CRYGN: variants seen among roughly 807,000 people sequenced by gnomAD.
CRYGN encodes gamma-crystallin N.
Under a neutral mutation model 19.2 loss-of-function variants are expected in CRYGN, and 17 were observed. The observed-to-expected ratio is 0.89, with a 90% CI of 0.61 to 1.33. The LOEUF (loss-of-function observed/expected upper bound fraction) is 1.33. Among genes scored for constraint, CRYGN ranks in the 40% most tolerant of loss-of-function variants. The probability of loss-of-function intolerance (pLI) is 0.00; values close to 1 mark genes in which losing one functional copy is unlikely to be tolerated. For synonymous variants in CRYGN, 84 were observed against 85.8 expected, an observed-to-expected ratio of 0.98 and a Z score of 0.12; for missense variants, 239 against 239.6, an observed-to-expected ratio of 1.00 and a Z score of 0.02.
At position 151,440,019 on chromosome 7, in the gene CRYGN, G is replaced by C; in HGVS notation, c.-102C>G. On this transcript the variant is annotated 5_prime_UTR_variant, in exon 1 of 4. Coordinates refer to ENST00000337323, the MANE Select transcript of CRYGN (RefSeq NM_144727.3). Reference sequence around the variant, plus strand: ...AGATTTGCTGGGCCGGCCCCGGAGCGTTAGTGCTGTCGGGCGTGCTAAGCC... The same window carrying C: ...AGATTTGCTGGGCCGGCCCCGGAGCCTTAGTGCTGTCGGGCGTGCTAAGCC... 1 of 1,401,988 alleles carries C rather than the reference G, an allele frequency of 7.1e-7. No individual in the cohort carries two copies. Among genetic ancestry groups the C allele is most frequent in the East Asian group, 2.9e-5 (1 of 34,386 alleles). The allele number at this position is 1,401,988 out of a possible 1,614,324, so 86.8% of individuals were successfully genotyped here. A position where few individuals can be genotyped will look rare whatever the true frequency, so the allele number is the denominator to read the frequency against.
rs545983230 is a variant in CRYGN at position 151,436,989 on chromosome 7, G to A, written c.271-664C>T. Reference sequence around the variant, plus strand: ...CTGCGTCACAGCTGGCCCCAGGCTAGCTCTTAGGAGAACAGCAGTTCGCAA... The same window carrying A: ...CTGCGTCACAGCTGGCCCCAGGCTAACTCTTAGGAGAACAGCAGTTCGCAA... On this transcript the variant is annotated intron_variant, in intron 2 of 3. Coordinates refer to ENST00000337323, the MANE Select transcript of CRYGN (RefSeq NM_144727.3). This position sits in a 1 kb window ranked among gnomAD's most constrained non-coding sequence, Gnocchi z 5.1. The A allele has an allele frequency of 6.6e-5, 10 of 152,266 alleles. No homozygotes were observed. Among genetic ancestry groups the A allele is most frequent in the African/African-American group, 2.4e-4 (10 of 41,554 alleles). 9.4% of individuals were successfully genotyped at this position (152,266 alleles called of 1,614,324 possible). A position where few individuals can be genotyped will look rare whatever the true frequency, so the allele number is the denominator to read the frequency against.
chr7:151,438,068 G>A lies in CRYGN; in HGVS notation c.198C>T (p.His66=), dbSNP rs370842358. 35 of 1,613,946 alleles carry A rather than the reference G, an allele frequency of 2.2e-5. No homozygotes were observed. Among genetic ancestry groups the A allele is most frequent in the African/African-American group, 8.0e-5 (6 of 74,918 alleles). The change falls in exon 2 of 4, where the codon CAC becomes CAT. Residue 66 remains histidine (H), a synonymous_variant. Coordinates refer to ENST00000337323, the MANE Select transcript of CRYGN (RefSeq NM_144727.3). ...DFRGQQFILE[H]GDYPDFFRWN... ...AGCGGAAGAAGTCGGGGTAGTCGCC[G>A]TGCTCCAAGATGAACTGCTGGCCCC...
intron 2 of CRYGN, 145 bp downstream of exon 2, chr7:151,437,851 G>A (rs1801655417): frequency 6.6e-7 from 1 of 1,515,224 alleles, no homozygotes; most frequent in Non-Finnish European, 8.8e-7. Flanking sequence ...CATGCCAGCA[G>A]GTGGCTCTGG....
rs1375593464 is a variant in CRYGN, at chr7:151,435,703, T to C, written c.416+477A>G. Among the ~76,000 whole-genome samples, 2 of 150,300 alleles carry C rather than the reference T, an allele frequency of 1.3e-5. No individual in the cohort carries two copies. Among genetic ancestry groups the C allele is most frequent in the African/African-American group, 2.5e-5 (1 of 40,622 alleles). On this transcript the variant is annotated intron_variant, in intron 3 of 3. Coordinates refer to ENST00000337323, the MANE Select transcript of CRYGN (RefSeq NM_144727.3). The surrounding 1 kb of genome is among the most constrained non-coding windows in gnomAD (Gnocchi z 4.2). ...CGGTTCAGGGGTCAGCTCTGCGGGG[T>C]AGGCGCGGGGGCAGGGTGGGCTGGT... is the stretch of plus-strand genomic sequence containing the variant.
In CRYGN at chr7:151,435,356, C is replaced by A. The variant is rs1400021752; in HGVS notation, c.416+824G>T. Among the ~76,000 whole-genome samples the A allele has an allele frequency of 1.3e-5, 2 of 152,200 alleles. No individual in the cohort carries two copies. The highest frequency in any genetic ancestry group is 2.9e-5 in the Non-Finnish European group (2 of 68,028). On this transcript the variant is annotated intron_variant, in intron 3 of 3. Coordinates refer to ENST00000337323, the MANE Select transcript of CRYGN (RefSeq NM_144727.3). This position sits in a 1 kb window ranked among gnomAD's most constrained non-coding sequence, Gnocchi z 4.2. The stretch of plus-strand genomic sequence containing the variant: ...GTGCCACTCCCACGGGGCGGCCGGG[C>A]AGTCAGCCTTCTGAGTCTCAGCTTG...
rs893616749 is a variant in CRYGN at position 151,431,935 on chromosome 7, C to T, written c.417-1755G>A. ...CACCACCTCTCCCCACCACTCTCCC[C>T]TCCCTGGCCCAGGGGGTCCCTGGGA... is the stretch of plus-strand genomic sequence containing the variant. On this transcript the variant is annotated intron_variant, in intron 3 of 3. Coordinates refer to ENST00000337323, the MANE Select transcript of CRYGN (RefSeq NM_144727.3). This position sits in a 1 kb window ranked among gnomAD's most constrained non-coding sequence, Gnocchi z 4.8. The T allele has an allele frequency of 5.8e-5, 20 of 347,364 alleles. No individual in the cohort carries two copies. Among genetic ancestry groups the T allele is most frequent in the Non-Finnish European group, 8.3e-5 (16 of 193,918 alleles). The allele number at this position is 347,364 out of a possible 1,614,324, so 21.5% of individuals were successfully genotyped here.
rs1359939441 is a variant in CRYGN at position 151,429,927 on chromosome 7, A to G, written c.*121T>C. The G allele has an allele frequency of 1.4e-5, 10 of 727,002 alleles. No homozygotes were observed. The East Asian group carries it at 2.5e-4, about 18-fold the overall frequency. 45.0% of individuals were successfully genotyped at this position (727,002 alleles called of 1,614,324 possible). ...CCTCCCGCTGGCAGATATGACACACAGAAGGCTCCACCTCCCTAACAAACT... is the reference window on the plus strand; with the variant it reads ...CCTCCCGCTGGCAGATATGACACACGGAAGGCTCCACCTCCCTAACAAACT... On this transcript the variant is annotated 3_prime_UTR_variant, in exon 4 of 4. Transcript: ENST00000337323.
In CRYGN at chr7:151,432,390, G is replaced by C. The variant is rs1234716345; in HGVS notation, c.417-2210C>G. The C allele has an allele frequency of 4.7e-4, 273 of 578,102 alleles. 2 individuals are homozygous for C. Among genetic ancestry groups the C allele is most frequent in the Non-Finnish European group, 4.3e-5 (17 of 391,668 alleles). 35.8% of individuals were successfully genotyped at this position (578,102 alleles called of 1,614,324 possible). A position where few individuals can be genotyped will look rare whatever the true frequency, so the allele number is the denominator to read the frequency against. Reference sequence around the variant, plus strand: ...CCACCCAGCAACCCCTCCCGGTCGAGCGGCCCCTTCACTCTGGGCTACACG... The same window carrying C: ...CCACCCAGCAACCCCTCCCGGTCGACCGGCCCCTTCACTCTGGGCTACACG... On this transcript the variant is annotated intron_variant, in intron 3 of 3. Coordinates refer to ENST00000337323, the MANE Select transcript of CRYGN (RefSeq NM_144727.3).
In CRYGN at chr7:151,432,135, G is replaced by A. The variant is rs562630321; in HGVS notation, c.417-1955C>T. ...CCCCAGAGCTGCGCCCGGCCATCCC[G>A]GTGGGAGGGCTCGGCTGGAAGAAGT... On this transcript the variant is annotated intron_variant, in intron 3 of 3. Coordinates refer to ENST00000337323, the MANE Select transcript of CRYGN (RefSeq NM_144727.3). 40 of 1,178,122 alleles carry A rather than the reference G, an allele frequency of 3.4e-5. No individual in the cohort carries two copies. The East Asian group carries it at 4.5e-4, about 13-fold the overall frequency. The allele number at this position is 1,178,122 out of a possible 1,614,324, so 73.0% of individuals were successfully genotyped here.
upstream of CRYGN, chr7:151,440,268 T>G: frequency 1.5e-4 from 57 of 368,912 alleles, no homozygotes; most frequent in Non-Finnish European, 1.7e-4. Context: ...TCCCCTGCGC[T>G]GCCCCTCAGC....
chr7:151,437,919 C>T (rs1801658252), intron 2 of CRYGN, 77 bp downstream of exon 2: 1 of 1,600,638 alleles, frequency 6.2e-7, no homozygotes, highest in Middle Eastern at 1.7e-4. Context: ...TCCCCGATTC[C>T]TTGCCACTGT....
chr7:151,432,166 A>C (rs1584822140), intron 3 of CRYGN: 1 of 1,230,556 alleles, frequency 8.1e-7, no homozygotes, highest in Non-Finnish European at 1.0e-6. Flanking sequence ...GAAGTTGACC[A>C]CCTTGTGGAG....
chr7:151,436,298 A>G lies in CRYGN; in HGVS notation c.298T>C (p.Phe100Leu). The G allele has an allele frequency of 6.3e-7, 1 of 1,590,464 alleles. No individual in the cohort carries two copies. Among genetic ancestry groups the G allele is most frequent in the Non-Finnish European group, 8.6e-7 (1 of 1,168,698 alleles). The change falls in exon 3 of 4, where the codon TTC (phenylalanine) becomes CTC (leucine). Residue 100 changes from phenylalanine (F) to leucine (L), a missense_variant. Phe to Leu is a conservative substitution (Grantham distance 22). Coordinates refer to ENST00000337323, the MANE Select transcript of CRYGN (RefSeq NM_144727.3). The surrounding 1 kb of genome is among the most constrained non-coding windows in gnomAD (Gnocchi z 5.1). ...TGGCCCGTGAAGTTGCAACCCTCGA[A>G]GATTTCTAGGCGGAAATGTTCTCCG... ...MHGEHFRLEI[F>L]EGCNFTGQCL...
chr7:151,434,826 G>A (rs929999273), intron 3 of CRYGN, among the ~76,000 whole-genome samples: 2 of 152,136 alleles, frequency 1.3e-5, no homozygotes, highest in African/African-American at 4.8e-5. Flanking sequence ...TGACATATTT[G>A]AGGACCTGCC....
In CRYGN at chr7:151,435,584, C is replaced by G. The variant is rs57164480; in HGVS notation, c.416+596G>C. The stretch of plus-strand genomic sequence containing the variant: ...GCAGACAAACCCATCTGGGCCTGGG[C>G]AAAATTCCCCCAGCTACTTTCTGTC... On this transcript the variant is annotated intron_variant, in intron 3 of 3. Coordinates refer to ENST00000337323, the MANE Select transcript of CRYGN (RefSeq NM_144727.3). The surrounding 1 kb of genome is among the most constrained non-coding windows in gnomAD (Gnocchi z 4.2). 0.036 allele frequency among the ~76,000 whole-genome samples: 5,501 copies of G among 152,088 alleles called. 182 individuals are homozygous for G. The highest frequency in any genetic ancestry group is 0.11 in the East Asian group (562 of 5,148).
At position 151,436,359 on chromosome 7, in the gene CRYGN, A is replaced by G. The variant is rs747755608; in HGVS notation, c.271-34T>C. Reference sequence around the variant, plus strand: ...CCAAGCAAAAAAGAAGGAAAGAAGGAGGTTGCTGTGAATTCCCCTCTCCCA... The same window carrying G: ...CCAAGCAAAAAAGAAGGAAAGAAGGGGGTTGCTGTGAATTCCCCTCTCCCA... On this transcript the variant is annotated intron_variant, in intron 2 of 3. Coordinates refer to ENST00000337323, the MANE Select transcript of CRYGN (RefSeq NM_144727.3). This position sits in a 1 kb window ranked among gnomAD's most constrained non-coding sequence, Gnocchi z 5.1. 12 of 1,474,934 alleles carry G rather than the reference A, an allele frequency of 8.1e-6. No homozygotes were observed. In the East Asian group the frequency reaches 3.0e-4, roughly 37 times the overall value. The allele number at this position is 1,474,934 out of a possible 1,614,324, so 91.4% of individuals were successfully genotyped here. A position where few individuals can be genotyped will look rare whatever the true frequency, so the allele number is the denominator to read the frequency against.
intron 3 of CRYGN, among the ~76,000 whole-genome samples, chr7:151,434,843 T>C (rs55699579): frequency 0.21 from 31,285 of 152,164 alleles, 4,248 homozygotes; most frequent in East Asian, 0.48. Flanking sequence ...TGCCATACAT[T>C]GTTTCACTTA....
At chr7:151,439,771 T>G (rs1439719698) in intron 1 of CRYGN, 126 bp downstream of exon 1, 1 of 1,074,656 alleles carries the variant, frequency 9.3e-7, no homozygotes, top group Non-Finnish European at 1.3e-6. Context: ...CCCATTTTAT[T>G]AAGAAATTAA....
Position 151,430,146 on chromosome 7 carries a change from A to C in CRYGN, c.451T>G (p.Phe151Val), listed in dbSNP as rs780077049. ...WSPRSFGAEDFQLSSSLQSDQ... is the reference protein window; with the variant it reads ...WSPRSFGAEDVQLSSSLQSDQ... Reference sequence around the variant, plus strand: ...GATTGAAGAGAGCTGCTCAGCTGGAAGTCCTCAGCTCCGAAGCTTCTAGGG... The same window carrying C: ...GATTGAAGAGAGCTGCTCAGCTGGACGTCCTCAGCTCCGAAGCTTCTAGGG... Residue 151 changes from phenylalanine (F) to valine (V), a missense_variant, in exon 4 of 4, where the codon TTC becomes GTC. Transcript: ENST00000337323. This position sits in a 1 kb window ranked among gnomAD's most constrained non-coding sequence, Gnocchi z 5.2. 3 of 1,613,570 alleles carry C rather than the reference A, an allele frequency of 1.9e-6. No individual in the cohort carries two copies. In the Admixed American group the frequency reaches 5.0e-5, roughly 27 times the overall value.
Sources: gnomAD v4.1 joint callset for allele counts (sites outside exome capture counted in the v4.1 genomes callset) on GRCh38, gnomAD v4.1.1 for gene constraint, Gnocchi (gnomAD v3.1) non-coding constraint, MANE v1.5 for transcripts, NCBI Gene and HGNC (gene_info 2026-07-23, HGNC 2026-07-21) for gene names.